PRPF19: variants seen among roughly 807,000 people sequenced by gnomAD.
The protein encoded by PRPF19 is pre-mRNA processing factor 19.
PRPF19 carries 2 observed loss-of-function variants against 64.2 expected under a neutral mutation model. The ratio of observed to expected loss-of-function variants is 0.03; its 90% CI spans 0.01 to 0.10. The LOEUF (loss-of-function observed/expected upper bound fraction) is 0.10. Among genes scored for constraint, PRPF19 ranks in the 10% least tolerant of loss-of-function variants. The probability of loss-of-function intolerance (pLI) is 1.00; values close to 1 mark genes in which losing one functional copy is unlikely to be tolerated. For synonymous variants in PRPF19, 226 were observed against 251.6 expected, an observed-to-expected ratio of 0.90 and a Z score of 0.96; for missense variants, 314 against 650.0, an observed-to-expected ratio of 0.48 and a Z score of 5.62.
intron 10 of PRPF19, among the ~76,000 whole-genome samples, 176 bp from the exon 11 acceptor site, chr11:60,899,480 G>A (rs1467754851): frequency 1.3e-5 from 2 of 152,180 alleles, no homozygotes; most frequent in East Asian, 1.9e-4. Flanking sequence ...AATGGTAAAC[G>A]CTATTAAAGT....
rs566659097 is a variant in PRPF19 at position 60,898,960 on chromosome 11, C to T, written c.985-29G>A. 8 of 1,565,732 alleles carry T rather than the reference C, an allele frequency of 5.1e-6. No individual in the cohort carries two copies. The East Asian group carries it at 1.4e-4, about 27-fold the overall frequency. On this transcript the variant is annotated intron_variant, in intron 11 of 15. Transcript: ENST00000227524. This position sits in a 1 kb window ranked among gnomAD's most constrained non-coding sequence, Gnocchi z 4.6. ...GGGAAAAAAAAAGAGACAATGGAGTCAGTGAGAAAGTGGGTCCCAGGTTCT... is the reference window on the plus strand; with the variant it reads ...GGGAAAAAAAAAGAGACAATGGAGTTAGTGAGAAAGTGGGTCCCAGGTTCT...
chr11:60,901,042 T>G, intron 8 of PRPF19, 113 bp from the exon 9 acceptor site: 1 of 1,233,584 alleles, frequency 8.1e-7, no homozygotes, highest in Non-Finnish European at 1.2e-6. Context: ...GGAGCAAGAG[T>G]TACTTCTATT....
chr11:60,897,609 T>C, intron 15 of PRPF19: 1 of 404,630 alleles, frequency 2.5e-6, no homozygotes, highest in South Asian at 4.8e-5. Context: ...GGGACTTTTC[T>C]CTCCCTTTAG....
At chr11:60,903,406 G>A (rs1856007302) in intron 3 of PRPF19, 53 bp downstream of exon 3, 1 of 1,539,218 alleles carries the variant, frequency 6.5e-7, no homozygotes, top group African/African-American at 1.4e-5. Flanking sequence ...TCCTAACCCA[G>A]CAATGCATTC....
At chr11:60,900,814 C>T in intron 9 of PRPF19, 40 bp downstream of exon 9, 1 of 1,611,502 alleles carries the variant, frequency 6.2e-7, no homozygotes, top group South Asian at 1.1e-5. Context: ...CCTGCTGCCC[C>T]TCCCCACTTT....
In PRPF19 at chr11:60,899,086, C is replaced by T. The variant is rs928257835; in HGVS notation, c.984+63G>A. ...CAGCTGGGGTGGGAAGATGTTCCTG[C>T]CACCCAGGATGTTCAAGCTTGGGGA... On this transcript the variant is annotated intron_variant, in intron 11 of 15. Transcript: ENST00000227524. The T allele has an allele frequency of 3.9e-6, 6 of 1,550,048 alleles. No homozygotes were observed. In the East Asian group the frequency reaches 1.2e-4, roughly 30 times the overall value.
intron 15 of PRPF19, among the ~76,000 whole-genome samples, chr11:60,891,717 C>T (rs1281162172): frequency 6.6e-6 from 1 of 152,206 alleles, no homozygotes; most frequent in African/African-American, 2.4e-5. Flanking sequence ...CCTCATGGGA[C>T]TCCAGAAATT....
intron 2 of PRPF19, 63 bp from the exon 3 acceptor site, chr11:60,903,598 T>C: frequency 1.3e-6 from 2 of 1,599,184 alleles, no homozygotes; most frequent in South Asian, 2.2e-5. Context: ...CATCACATCT[T>C]TTCCTTTTAG....
At chr11:60,895,027 C>T (rs753614956) in intron 15 of PRPF19, among the ~76,000 whole-genome samples, 12 of 152,220 alleles carry the variant, frequency 7.9e-5, no homozygotes, top group African/African-American at 2.7e-4. Context: ...GTAGATTTAG[C>T]CCCACCTTCT....
At chr11:60,894,094 G>A (rs1259916616) in intron 15 of PRPF19, among the ~76,000 whole-genome samples, 1 of 152,226 alleles carries the variant, frequency 6.6e-6, no homozygotes, top group Non-Finnish European at 1.5e-5. Context: ...GCAGGGTCTT[G>A]CCTTGATGTC....
At chr11:60,891,564 T>A (rs1168032187) in intron 15 of PRPF19, among the ~76,000 whole-genome samples, 1 of 152,202 alleles carries the variant, frequency 6.6e-6, no homozygotes, top group East Asian at 1.9e-4. Context: ...GAGCTCAGCT[T>A]GTTTATGCCT....
Position 60,906,472 on chromosome 11 carries a change from G to T in PRPF19, c.-90C>A. ...GAGCCACTTCCGGTCCCCCGCTGCT[G>T]CCGGGACTGCTCCGCGGCGAGCTGG... is the stretch of plus-strand genomic sequence containing the variant. On this transcript the variant is annotated 5_prime_UTR_variant, in exon 1 of 16. Transcript: ENST00000227524. 7.2e-7 allele frequency: 1 copy of T among 1,385,448 alleles called. No homozygotes were observed. The allele number at this position is 1,385,448 out of a possible 1,614,324, so 85.8% of individuals were successfully genotyped here.
Position 60,906,389 on chromosome 11 carries a change from GTCA to G in PRPF19, c.-10_-8del, listed in dbSNP as rs1297277757. 6.3e-7 allele frequency: 1 copy of G among 1,589,270 alleles called. No individual in the cohort carries two copies. The highest frequency in any genetic ancestry group is 1.7e-5 in the Admixed American group (1 of 57,562). ...TGGAGCAGATTAGGGACATGGCGCC[GTCA>G]CCGTGCTCCGAGGCGCCACACGCCG... On this transcript the variant is annotated 5_prime_UTR_variant, in exon 1 of 16. Transcript: ENST00000227524.
At position 60,897,942 on chromosome 11, in the gene PRPF19, G is replaced by A. The variant is rs778620948; in HGVS notation, c.1321C>T (p.Leu441=). ...QLDNNFEVKS[L]IFDQSGTYLA... is the part of the protein sequence containing the mutation. ...TAGGTACCACTCTGGTCAAAGATCAGTGACTTTACCTGCCAGAAATAGAAA... is the reference window on the plus strand; with the variant it reads ...TAGGTACCACTCTGGTCAAAGATCAATGACTTTACCTGCCAGAAATAGAAA... Residue 441 remains leucine (L), a synonymous_variant, in exon 15 of 16, where the codon CTG becomes TTG. Coordinates refer to ENST00000227524, the MANE Select transcript of PRPF19 (RefSeq NM_014502.5). 6.2e-7 allele frequency: 1 copy of A among 1,614,212 alleles called. No homozygotes were observed. The highest frequency in any genetic ancestry group is 1.1e-5 in the South Asian group (1 of 91,076).
At position 60,898,221 on chromosome 11, in the gene PRPF19, G is replaced by A; in HGVS notation, c.1191C>T (p.Ser397=). ...NFPGHSGPIT[S]IAFSENGYYL... ...AGTAACCATTCTCAGAGAAGGCGAT[G>A]CTAGTGATGGGGCCCGAGTGGCCAG... The change falls in exon 14 of 16, where the codon AGC becomes AGT. Residue 397 remains serine (S), a synonymous_variant. Coordinates refer to ENST00000227524, the MANE Select transcript of PRPF19 (RefSeq NM_014502.5). The surrounding 1 kb of genome is among the most constrained non-coding windows in gnomAD (Gnocchi z 4.6). The A allele has an allele frequency of 1.9e-6, 3 of 1,614,158 alleles. No individual in the cohort carries two copies. The highest frequency in any genetic ancestry group is 2.5e-6 in the Non-Finnish European group (3 of 1,180,042).
intron 2 of PRPF19, 27 bp downstream of exon 2, chr11:60,903,685 C>A: frequency 6.3e-7 from 1 of 1,582,688 alleles, no homozygotes; most frequent in Non-Finnish European, 8.6e-7. Flanking sequence ...GCTAAGATGG[C>A]CCTAGACTAA....
chr11:60,898,905 T>A lies in PRPF19; in HGVS notation c.1011A>T (p.Thr337=). 1.9e-6 allele frequency: 3 copies of A among 1,603,728 alleles called. No individual in the cohort carries two copies. Among genetic ancestry groups the A allele is most frequent in the Non-Finnish European group, 2.6e-6 (3 of 1,174,900 alleles). The change falls in exon 12 of 16, where the codon ACA becomes ACT. Residue 337 remains threonine (T), a synonymous_variant. Transcript: ENST00000227524. This position sits in a 1 kb window ranked among gnomAD's most constrained non-coding sequence, Gnocchi z 4.6. ...DQYWAFSDIQ[T]GRVLTKVTDE... ...CTGTCACCTTGGTGAGCACACGCCC[T>A]GTCTGGATGTCAGAGAAAGCCCAGT...
rs1373707230 is a variant in PRPF19 at position 60,898,483 on chromosome 11, A to C, written c.1140+58T>G. On this transcript the variant is annotated intron_variant, in intron 13 of 15. Transcript: ENST00000227524. This position sits in a 1 kb window ranked among gnomAD's most constrained non-coding sequence, Gnocchi z 4.6. ...GCCACAAGCACCTAATTAGCACTGC[A>C]TTGTCACAAACACTCCCTCTGGCCC... The C allele has an allele frequency of 6.2e-7, 1 of 1,612,554 alleles. No homozygotes were observed. Among genetic ancestry groups the C allele is most frequent in the African/African-American group, 1.3e-5 (1 of 74,900 alleles).
Position 60,902,663 on chromosome 11 carries a change from GA to G in PRPF19, c.389-8del. 1 of 1,614,234 alleles carries G rather than the reference GA, an allele frequency of 6.2e-7. No individual in the cohort carries two copies. The highest frequency in any genetic ancestry group is 8.5e-7 in the Non-Finnish European group (1 of 1,180,040). On this transcript the variant is annotated splice_polypyrimidine_tract_variant and splice_region_variant and intron_variant, in intron 4 of 15. Coordinates refer to ENST00000227524, the MANE Select transcript of PRPF19 (RefSeq NM_014502.5). The surrounding 1 kb of genome is among the most constrained non-coding windows in gnomAD (Gnocchi z 5.0). ...GGTTTCAGGGTAGCCAGAGCTGAGA[GA>G]AAAGACGATGTTAGAAATGGGATAT...
Sources: gnomAD v4.1 joint callset for allele counts (sites outside exome capture counted in the v4.1 genomes callset) on GRCh38, gnomAD v4.1.1 for gene constraint, Gnocchi (gnomAD v3.1) non-coding constraint, MANE v1.5 for transcripts, NCBI Gene and HGNC (gene_info 2026-07-23, HGNC 2026-07-21) for gene names.